CNTNAP2: variants seen among roughly 807,000 people sequenced by gnomAD.
The protein encoded by CNTNAP2 is contactin-associated protein-like 2.
A neutral mutation model predicts 155.2 loss-of-function variants in CNTNAP2; 98 were observed. The observed-to-expected ratio is 0.63, with a 90% CI of 0.54 to 0.75. CNTNAP2 has a LOEUF of 0.75. CNTNAP2 is among the 30% of genes least tolerant of loss of function. The pLI is 0.00. For synonymous variants in CNTNAP2, 651 were observed against 631.2 expected (o/e 1.03, Z -0.47); for missense variants, 1,727 against 1,688.1 (o/e 1.02, Z -0.40).
At chr7:147,259,936 CTTAT>C (rs1269684201) in intron 8 of CNTNAP2, among the ~76,000 whole-genome samples, 1 of 152,148 alleles carries the variant, frequency 6.6e-6, no homozygotes, top group Non-Finnish European at 1.5e-5. Flanking sequence ...GTGTTTAGTG[CTTAT>C]AGCTGTAACT....
At chr7:148,069,491 G>A (rs776058184) in intron 15 of CNTNAP2, among the ~76,000 whole-genome samples, 3 of 152,080 alleles carry the variant, frequency 2.0e-5, no homozygotes, top group Non-Finnish European at 2.9e-5. Context: ...GGCCGGGCAC[G>A]GTGGCTCACA....
chr7:147,619,860 G>C (rs929772095), intron 12 of CNTNAP2, among the ~76,000 whole-genome samples: 3 of 152,202 alleles, frequency 2.0e-5, no homozygotes, highest in African/African-American at 7.2e-5. Context: ...AGTGGTTACA[G>C]CAGGTCTTGG....
intron 11 of CNTNAP2, among the ~76,000 whole-genome samples, chr7:147,525,969 G>T (rs1799310908): frequency 6.6e-6 from 1 of 152,008 alleles, no homozygotes; most frequent in Non-Finnish European, 1.5e-5. Flanking sequence ...GAGGCAGGCA[G>T]ATCACTTGAG....
intron 5 of CNTNAP2, among the ~76,000 whole-genome samples, chr7:147,109,679 TG>T (rs1429586656): frequency 6.6e-6 from 1 of 152,184 alleles, no homozygotes; most frequent in East Asian, 1.9e-4. Flanking sequence ...CTTAACAACA[TG>T]GAGGTTACTG....
At chr7:146,268,250 G>A (rs1800025084) in intron 1 of CNTNAP2, among the ~76,000 whole-genome samples, 1 of 152,174 alleles carries the variant, frequency 6.6e-6, no homozygotes, top group Non-Finnish European at 1.5e-5. Flanking sequence ...AGTCTGTGGT[G>A]TTTATCGTAG....
At chr7:147,871,353 A>C (rs1169426995) in intron 13 of CNTNAP2, among the ~76,000 whole-genome samples, 2 of 152,300 alleles carry the variant, frequency 1.3e-5, no homozygotes, top group Non-Finnish European at 2.9e-5. Context: ...CTTCTCCTCC[A>C]TGGCCCCCTG....
At chr7:147,696,026 CTA>C (rs1461630875) in intron 13 of CNTNAP2, among the ~76,000 whole-genome samples, 1 of 152,042 alleles carries the variant, frequency 6.6e-6, no homozygotes, top group African/African-American at 2.4e-5. Flanking sequence ...TTAGCATGAT[CTA>C]TGTTTCTCTA....
intron 21 of CNTNAP2, among the ~76,000 whole-genome samples, chr7:148,346,968 A>C (rs906531902): frequency 8.6e-5 from 13 of 151,720 alleles, no homozygotes; most frequent in Admixed American, 2.6e-4. Flanking sequence ...GAGAAAATTA[A>C]CTACCTGGCC....
chr7:147,709,253 C>A (rs1796366841), intron 13 of CNTNAP2, among the ~76,000 whole-genome samples: 1 of 152,164 alleles, frequency 6.6e-6, no homozygotes, highest in Non-Finnish European at 1.5e-5. Context: ...CTCCAGAACT[C>A]CCCTTTGAGC....
At chr7:147,627,440 G>A (rs550654751) in intron 12 of CNTNAP2, among the ~76,000 whole-genome samples, 9 of 152,204 alleles carry the variant, frequency 5.9e-5, no homozygotes, top group Non-Finnish European at 1.2e-4. Flanking sequence ...GCTCACGCCT[G>A]AAATCCCAGC....
chr7:146,684,271 C>T (rs73166384), intron 1 of CNTNAP2, among the ~76,000 whole-genome samples: 4,332 of 152,100 alleles, frequency 0.028, 89 homozygotes, highest in East Asian at 0.11. Flanking sequence ...GAAGAACTCA[C>T]GAGGAAGTGT....
intron 16 of CNTNAP2, among the ~76,000 whole-genome samples, chr7:148,142,065 A>G (rs919024545): frequency 8.6e-5 from 13 of 150,932 alleles, no homozygotes; most frequent in Admixed American, 7.3e-4. Context: ...TTATAGTGCC[A>G]GTGGTTGTTA....
intron 12 of CNTNAP2, among the ~76,000 whole-genome samples, chr7:147,569,731 TTAAG>T (rs1175954268): frequency 1.3e-5 from 2 of 152,238 alleles, no homozygotes; most frequent in Non-Finnish European, 2.9e-5. Flanking sequence ...ATGCCTGTTA[TTAAG>T]TGACACATGA....
intron 13 of CNTNAP2, among the ~76,000 whole-genome samples, chr7:147,857,287 A>T (rs960684718): frequency 2.0e-5 from 3 of 152,180 alleles, no homozygotes; most frequent in Non-Finnish European, 4.4e-5. Flanking sequence ...TCCGTGCAAG[A>T]TGTATGTTAA....
intron 1 of CNTNAP2, among the ~76,000 whole-genome samples, chr7:146,121,119 CTTTTTTT>C (rs745449281): frequency 6.1e-5 from 4 of 65,784 alleles, no homozygotes; most frequent in African/African-American, 1.6e-4. Context: ...ATAAAGCTTC[CTTTTTTT>C]TTTTTTTTTT....
chr7:148,243,832 A>G (rs1796204612), intron 20 of CNTNAP2, among the ~76,000 whole-genome samples: 1 of 152,342 alleles, frequency 6.6e-6, no homozygotes, highest in African/African-American at 2.4e-5. Context: ...TTGAAGAATT[A>G]AAGTTGGTTT....
chr7:146,460,177 G>C (rs1185299433), intron 1 of CNTNAP2, among the ~76,000 whole-genome samples: 4 of 152,158 alleles, frequency 2.6e-5, no homozygotes, highest in Non-Finnish European at 5.9e-5. Flanking sequence ...TACAAATTTT[G>C]AAATTGTCAG....
chr7:147,093,707 A>G (rs2129274200), intron 4 of CNTNAP2, among the ~76,000 whole-genome samples: 1 of 152,260 alleles, frequency 6.6e-6, no homozygotes, highest in Middle Eastern at 3.4e-3. Flanking sequence ...ATTCATTTCA[A>G]CATCAATTTT....
chr7:146,249,918 T>C (rs1426194830), intron 1 of CNTNAP2, among the ~76,000 whole-genome samples: 1 of 152,226 alleles, frequency 6.6e-6, no homozygotes, highest in Non-Finnish European at 1.5e-5. Flanking sequence ...AAATTTTGAA[T>C]GCTACGTCTT....
Sources: allele counts gnomAD v4.1 joint callset (sites outside exome capture counted in the v4.1 genomes callset), GRCh38; gene constraint gnomAD v4.1.1; transcripts MANE v1.5; gene names NCBI Gene and HGNC (gene_info 2026-07-23, HGNC 2026-07-21).